AKAP6: variants seen among roughly 807,000 people sequenced by gnomAD.
AKAP6 encodes the protein A-kinase anchoring protein 6, also known as A-kinase anchor protein 6.
AKAP6 carries 58 observed loss-of-function variants against 188.5 expected under a neutral mutation model. The ratio of observed to expected loss-of-function variants is 0.31; its 90% CI spans 0.25 to 0.38. AKAP6 has a LOEUF of 0.38. AKAP6 is among the 10% of genes least tolerant of loss of function. The pLI is 1.00. For missense variants in AKAP6, 2,710 were observed against 2,740.0 expected (o/e 0.99, Z 0.24); for synonymous variants, 989 against 998.6 (o/e 0.99, Z 0.18).
At chr14:32,769,993 T>G (rs2032849912) in intron 11 of AKAP6, among the ~76,000 whole-genome samples, 4 of 152,216 alleles carry the variant, frequency 2.6e-5, no homozygotes. Context: ...AAGTCTTAAC[T>G]TCAATGGTGT....
chr14:32,732,910 A>G, intron 10 of AKAP6: 1 of 527,154 alleles, frequency 1.9e-6, no homozygotes, highest in Non-Finnish European at 3.3e-6. Flanking sequence ...TATCTGATAT[A>G]TACTGACTGT....
chr14:32,698,450 C>A lies in AKAP6; in HGVS notation c.3000+2340C>A, dbSNP rs148843300. Among the ~76,000 whole-genome samples the A allele has an allele frequency of 6.8e-4, 104 of 152,186 alleles. 2 individuals are homozygous for A. In the East Asian group the frequency reaches 0.016, roughly 23 times the overall value. On this transcript the variant is annotated intron_variant, in intron 9 of 13. Transcript: ENST00000280979. ...CAATTTGAGACTACCTTATTTATCTCTAATCTTTGTATTTGTTGACCCCAA... is the reference window on the plus strand; with the variant it reads ...CAATTTGAGACTACCTTATTTATCTATAATCTTTGTATTTGTTGACCCCAA...
Position 32,823,682 on chromosome 14 carries a change from G to T in AKAP6, c.5869G>T (p.Val1957Phe). 6.2e-7 allele frequency: 1 copy of T among 1,613,776 alleles called. No homozygotes were observed. Among genetic ancestry groups the T allele is most frequent in the South Asian group, 1.1e-5 (1 of 91,064 alleles). The change falls in exon 13 of 14, where the codon GTT becomes TTT. Residue 1957 changes from valine (V) to phenylalanine (F), a missense_variant. This residue lies in a region of AKAP6 where 2,473 missense variants were observed against 2,426.1 expected (regional missense o/e 1.02). Transcript: ENST00000280979. ...TGGCAAGGAATTTGTTTCCCAAGAT[G>T]TTAGACATCTTCCAAAGAAATGTCC... The part of the protein sequence containing the change: ...TAGKEFVSQD[V>F]RHLPKKCPNH...
In AKAP6 at chr14:32,372,013, A is replaced by C. The variant is rs145682521; in HGVS notation, c.-35+42605A>C. ...TCCTTCCTTCTCTTTTTTTTTCCCT[A>C]CACATATTTATAAGTACCTACTTTA... On this transcript the variant is annotated intron_variant, in intron 1 of 13. Coordinates refer to ENST00000280979, the MANE Select transcript of AKAP6 (RefSeq NM_004274.5). 5.9e-4 allele frequency among the ~76,000 whole-genome samples: 88 copies of C among 148,880 alleles called. 1 individual carries two copies. The highest frequency in any genetic ancestry group is 3.9e-3 in the Admixed American group (58 of 14,974).
intron 9 of AKAP6, among the ~76,000 whole-genome samples, chr14:32,713,615 A>G (rs938667529): frequency 6.6e-6 from 1 of 152,046 alleles, no homozygotes; most frequent in Non-Finnish European, 1.5e-5. Flanking sequence ...CTTTTATGTT[A>G]TGGAGATGGT....
intron 2 of AKAP6, among the ~76,000 whole-genome samples, chr14:32,485,330 T>C (rs1450635768): frequency 9.2e-5 from 14 of 152,110 alleles, no homozygotes; most frequent in Non-Finnish European, 1.2e-4. Flanking sequence ...ATACACCCAG[T>C]AATGGGACTG....
intron 1 of AKAP6, among the ~76,000 whole-genome samples, chr14:32,332,384 G>A (rs3825744): frequency 0.13 from 19,904 of 152,000 alleles, 2,951 homozygotes; most frequent in African/African-American, 0.36. Flanking sequence ...CAACACTAAG[G>A]TTGATTTCAC....
rs368052997 is a variant in AKAP6 at position 32,714,103 on chromosome 14, C to A, written c.3000+17993C>A. Among the ~76,000 whole-genome samples the A allele has an allele frequency of 2.5e-4, 38 of 152,076 alleles. 2 individuals carry two copies. In the South Asian group the frequency reaches 7.3e-3, roughly 29 times the overall value. On this transcript the variant is annotated intron_variant, in intron 9 of 13. Transcript: ENST00000280979. The stretch of plus-strand genomic sequence containing the variant: ...TCAAGGAATAGGAAGGTCTGAGGAA[C>A]AGAGAGAACTGCTGGTGGGTGGAGC...
intron 7 of AKAP6, among the ~76,000 whole-genome samples, chr14:32,641,798 C>CA (rs1325960500): frequency 6.6e-6 from 1 of 151,900 alleles, no homozygotes; most frequent in Admixed American, 6.6e-5. Context: ...AGAATGGGTA[C>CA]AAAAATTCCA....
At chr14:32,582,878 T>C (rs1885045829) in intron 5 of AKAP6, among the ~76,000 whole-genome samples, 1 of 152,114 alleles carries the variant, frequency 6.6e-6, no homozygotes, top group Admixed American at 6.5e-5. Flanking sequence ...GTTATTCTAG[T>C]TATACATTCG....
At chr14:32,683,437 T>C (rs1396266122) in intron 8 of AKAP6, among the ~76,000 whole-genome samples, 1 of 152,054 alleles carries the variant, frequency 6.6e-6, no homozygotes. Flanking sequence ...GTCCACAGGA[T>C]GAAGAGAGTG....
chr14:32,587,406 C>T (rs959848412), intron 5 of AKAP6, among the ~76,000 whole-genome samples: 9 of 152,074 alleles, frequency 5.9e-5, no homozygotes, highest in Admixed American at 1.3e-4. Flanking sequence ...AAGCATGTAA[C>T]GGGTTTCTAC....
intron 1 of AKAP6, among the ~76,000 whole-genome samples, chr14:32,363,733 T>C (rs558039651): frequency 5.9e-5 from 9 of 152,334 alleles, no homozygotes; most frequent in African/African-American, 1.9e-4. Flanking sequence ...GGTCTGCCTC[T>C]CCTAGTCCAC....
intron 2 of AKAP6, among the ~76,000 whole-genome samples, chr14:32,526,447 G>A (rs1218906236): frequency 2.0e-5 from 3 of 152,066 alleles, no homozygotes; most frequent in African/African-American, 7.2e-5. Context: ...TGCCCCGGCT[G>A]GTCTCAAACT....
chr14:32,382,904 T>C (rs1888412879), intron 1 of AKAP6, among the ~76,000 whole-genome samples: 1 of 152,128 alleles, frequency 6.6e-6, no homozygotes, highest in African/African-American at 2.4e-5. Flanking sequence ...AGAGTGCTGC[T>C]GCCACCACCT....
At chr14:32,598,685 G>C (rs184524615) in intron 5 of AKAP6, among the ~76,000 whole-genome samples, 9 of 152,242 alleles carry the variant, frequency 5.9e-5, no homozygotes, top group East Asian at 1.9e-4. Flanking sequence ...GAGCGGAGAG[G>C]GGGGAGTAAT....
chr14:32,574,399 G>C (rs896253259), intron 4 of AKAP6, among the ~76,000 whole-genome samples: 5 of 152,074 alleles, frequency 3.3e-5, no homozygotes, highest in African/African-American at 1.2e-4. Context: ...AGGACCAATG[G>C]GTTTTGTCTA....
chr14:32,784,404 C>T lies in AKAP6; in HGVS notation c.3588+10511C>T, dbSNP rs148202146. On this transcript the variant is annotated intron_variant, in intron 12 of 13. Coordinates refer to ENST00000280979, the MANE Select transcript of AKAP6 (RefSeq NM_004274.5). ...AATGCCATCTTAACAAACCTCTCTA[C>T]TGAACAGGTTCAGTCTAGTATACAC... 1.5e-3 allele frequency among the ~76,000 whole-genome samples: 232 copies of T among 152,316 alleles called. 1 individual carries two copies. The highest frequency in any genetic ancestry group is 5.2e-3 in the African/African-American group (217 of 41,590).
chr14:32,703,626 A>T (rs1388259098), intron 9 of AKAP6, among the ~76,000 whole-genome samples: 2 of 152,224 alleles, frequency 1.3e-5, no homozygotes, highest in Admixed American at 1.3e-4. Context: ...TAGCAGCACA[A>T]ATGTGAAAAA....
Sources: allele counts gnomAD v4.1 joint callset (sites outside exome capture counted in the v4.1 genomes callset), GRCh38; gene constraint gnomAD v4.1.1; regional missense constraint gnomAD v4.1.1; transcripts MANE v1.5; gene names NCBI Gene and HGNC (gene_info 2026-07-23, HGNC 2026-07-21).